SV2B: variants seen among roughly 807,000 people sequenced by gnomAD.
SV2B encodes the protein synaptic vesicle glycoprotein 2B.
Under a neutral mutation model 73.9 loss-of-function variants are expected in SV2B, and 41 were observed. That is an observed-to-expected ratio of 0.56 (90% CI 0.43 to 0.72). The LOEUF is 0.72. Among genes scored for constraint, SV2B ranks in the 30% least tolerant of loss-of-function variants. The probability of loss-of-function intolerance (pLI) is 0.00; values close to 1 mark genes in which losing one functional copy is unlikely to be tolerated. For synonymous variants in SV2B, 314 were observed against 314.2 expected, an observed-to-expected ratio of 1.00 and a Z score of 0.01; for missense variants, 764 against 857.8, an observed-to-expected ratio of 0.89 and a Z score of 1.37.
intron 1 of SV2B, among the ~76,000 whole-genome samples, chr15:91,163,260 A>G (rs987290992): frequency 5.3e-5 from 8 of 152,094 alleles, no homozygotes; most frequent in African/African-American, 1.9e-4. Context: ...ATGATTTTTA[A>G]CCCTTTGGGT....
chr15:91,149,859 T>C (rs779241939), intron 1 of SV2B, among the ~76,000 whole-genome samples: 5 of 152,186 alleles, frequency 3.3e-5, no homozygotes, highest in Non-Finnish European at 7.3e-5. Context: ...TTCAAATGTG[T>C]CATAGAAATT....
At chr15:91,154,588 G>A (rs535297373) in intron 1 of SV2B, among the ~76,000 whole-genome samples, 13 of 152,268 alleles carry the variant, frequency 8.5e-5, no homozygotes, top group South Asian at 6.2e-4. Flanking sequence ...TTTTGCAGAC[G>A]TAACCAAGTT....
At chr15:91,168,301 C>CGAGAGAGAGAGAGA (rs113991291) in intron 1 of SV2B, among the ~76,000 whole-genome samples, 5,615 of 137,132 alleles carry the variant, frequency 0.041, 163 homozygotes, top group Non-Finnish European at 0.051. Context: ...TGGTGAGATA[C>CGAGAGAGAGAGAGA]GAGAGAGAGA....
intron 1 of SV2B, among the ~76,000 whole-genome samples, chr15:91,131,561 T>G (rs1291100207): frequency 6.6e-6 from 1 of 151,728 alleles, no homozygotes; most frequent in Non-Finnish European, 1.5e-5. Context: ...TCTCAGCACT[T>G]TGGGAGGTAA....
chr15:91,144,005 A>G (rs1345732676), intron 1 of SV2B, among the ~76,000 whole-genome samples: 1 of 152,254 alleles, frequency 6.6e-6, no homozygotes, highest in African/African-American at 2.4e-5. Context: ...TAACTGGTCA[A>G]ACATGATTCT....
chr15:91,243,866 A>G (rs2047120215), intron 2 of SV2B, among the ~76,000 whole-genome samples: 1 of 152,174 alleles, frequency 6.6e-6, no homozygotes, highest in African/African-American at 2.4e-5. Flanking sequence ...GGACACATTC[A>G]GAACCTAGAA....
chr15:91,258,589 C>T lies in SV2B; in HGVS notation c.918+35C>T. ...TGCTTTTCCACCAGGGGGAGAGTGA[C>T]AAAACAGCCACAGGAACCCAGCCTC... is the stretch of plus-strand genomic sequence containing the variant. On this transcript the variant is annotated intron_variant, in intron 5 of 12. Coordinates refer to ENST00000394232, the MANE Select transcript of SV2B (RefSeq NM_001323032.3). This position sits in a 1 kb window ranked among gnomAD's most constrained non-coding sequence, Gnocchi z 4.7. 1 of 1,611,330 alleles carries T rather than the reference C, an allele frequency of 6.2e-7. No individual in the cohort carries two copies. The highest frequency in any genetic ancestry group is 2.2e-5 in the East Asian group (1 of 44,822).
Position 91,283,439 on chromosome 15 carries a change from ATT to A in SV2B, c.1508-570_1508-569del, listed in dbSNP as rs11344398. Among the ~76,000 whole-genome samples, 1 of 145,170 alleles carries A rather than the reference ATT, an allele frequency of 6.9e-6. No individual in the cohort carries two copies. Among genetic ancestry groups the A allele is most frequent in the African/African-American group, 2.5e-5 (1 of 39,934 alleles). Reference sequence around the variant, plus strand: ...GGACTGTTATCCAGCTGGAGAGATGATTTTTTTTTTTTTAAAGGCAAGGTCTC... The same window carrying A: ...GGACTGTTATCCAGCTGGAGAGATGATTTTTTTTTTTAAAGGCAAGGTCTC... On this transcript the variant is annotated intron_variant, in intron 10 of 12. Transcript: ENST00000394232. The surrounding 1 kb of genome is among the most constrained non-coding windows in gnomAD (Gnocchi z 4.3).
intron 1 of SV2B, among the ~76,000 whole-genome samples, chr15:91,184,227 A>G (rs2141327062): frequency 6.6e-6 from 1 of 152,238 alleles, no homozygotes; most frequent in Non-Finnish European, 1.5e-5. Flanking sequence ...TTGGCAAGCA[A>G]CCTTGCCAAA....
intron 6 of SV2B, among the ~76,000 whole-genome samples, chr15:91,260,837 G>T (rs538934860): frequency 3.9e-5 from 6 of 152,314 alleles, no homozygotes; most frequent in African/African-American, 1.4e-4. Context: ...ATTTGCAAAA[G>T]CAGAAACCCC....
rs551841000 is a variant in SV2B, at chr15:91,298,101, A to C, written c.*5549A>C. ...TGTGAACCTGACCTGCAGACAGTCC[A>C]CCTGAACGTGCCTGGAAATGTCTCC... On this transcript the variant is annotated 3_prime_UTR_variant, in exon 13 of 13. Transcript: ENST00000394232. The surrounding 1 kb of genome is among the most constrained non-coding windows in gnomAD (Gnocchi z 5.4). The C allele has an allele frequency of 1.3e-5, 2 of 152,340 alleles. No individual in the cohort carries two copies. The highest frequency in any genetic ancestry group is 2.4e-5 in the African/African-American group (1 of 41,568). The allele number at this position is 152,340 out of a possible 1,614,324, so 9.4% of individuals were successfully genotyped here.
In SV2B at chr15:91,266,681, A is replaced by G. The variant is rs1240215267; in HGVS notation, c.1108A>G (p.Ile370Val). The change falls in exon 7 of 13, where the codon ATT becomes GTT. Residue 370 changes from isoleucine to valine, a missense_variant. Coordinates refer to ENST00000394232, the MANE Select transcript of SV2B (RefSeq NM_001323032.3). ...GCGCTGGCTGGTCAGATTCAAGACC[A>G]TTTTCAAGCAGGTATGATTGGGAAC... ...YQRWLVRFKT[I>V]FKQVWDNALY... is the part of the protein sequence containing the mutation. The G allele has an allele frequency of 1.9e-6, 3 of 1,613,144 alleles. No individual in the cohort carries two copies. Among genetic ancestry groups the G allele is most frequent in the South Asian group, 1.1e-5 (1 of 90,934 alleles).
At position 91,290,357 on chromosome 15, in the gene SV2B, G is replaced by A. The variant is rs1476739867; in HGVS notation, c.1868+677G>A. ...CCAAAATTGGCGACAGAGGTATTGG[G>A]ATATAGATAACTAAGGAAGAGCACA... On this transcript the variant is annotated intron_variant, in intron 12 of 12. Coordinates refer to ENST00000394232, the MANE Select transcript of SV2B (RefSeq NM_001323032.3). This position sits in a 1 kb window ranked among gnomAD's most constrained non-coding sequence, Gnocchi z 4.7. Among the ~76,000 whole-genome samples the A allele has an allele frequency of 2.0e-5, 3 of 152,210 alleles. No homozygotes were observed. The highest frequency in any genetic ancestry group is 7.2e-5 in the African/African-American group (3 of 41,442).
chr15:91,135,800 G>T (rs2141169678), intron 1 of SV2B, among the ~76,000 whole-genome samples: 1 of 152,332 alleles, frequency 6.6e-6, no homozygotes, highest in South Asian at 2.1e-4. Context: ...AGAGACAAAA[G>T]ATGGGTTTGC....
chr15:91,262,943 T>G (rs552724197), intron 6 of SV2B, among the ~76,000 whole-genome samples: 72 of 152,296 alleles, frequency 4.7e-4, no homozygotes, highest in African/African-American at 1.4e-3. Context: ...AGTCTAAGCT[T>G]CTCTCCGAGC....
intron 1 of SV2B, among the ~76,000 whole-genome samples, chr15:91,170,229 C>T (rs75859643): frequency 0.11 from 17,036 of 151,948 alleles, 1,242 homozygotes; most frequent in African/African-American, 0.21. Flanking sequence ...AGACAGACAC[C>T]CGAATTTTTT....
intron 1 of SV2B, among the ~76,000 whole-genome samples, chr15:91,212,342 G>A (rs990340705): frequency 5.3e-5 from 8 of 152,178 alleles, no homozygotes; most frequent in African/African-American, 1.7e-4. Context: ...CCGGCCCTCT[G>A]TTGTTACTGA....
rs79725910 is a variant in SV2B, at chr15:91,251,894, G to T, written c.527G>T (p.Arg176Leu). 42 of 1,614,008 alleles carry T rather than the reference G, an allele frequency of 2.6e-5. No individual in the cohort carries two copies. The highest frequency in any genetic ancestry group is 1.5e-5 in the Non-Finnish European group (18 of 1,180,026). ...GGLADKLGRKRVLSMSLAVNA... is the reference protein window; with the variant it reads ...GGLADKLGRKLVLSMSLAVNA... ...CTGGCTGATAAGCTGGGAAGGAAGC[G>T]AGTCCTCAGCATGTCTCTGGCCGTC... Residue 176 changes from arginine (R) to leucine (L), a missense_variant, in exon 3 of 13, where the codon CGA (arginine) becomes CTA (leucine). By Grantham distance (102) the Arg-to-Leu change is moderately radical. Transcript: ENST00000394232.
rs976867584 is a variant in SV2B at position 91,181,975 on chromosome 15, T to C, written c.-391-43898T>C. ...TATATATGTATTTACATGTTAGGCA[T>C]TTTTAAAAGCCTAAGTCTAAAGGAC... On this transcript the variant is annotated intron_variant, in intron 1 of 12. Transcript: ENST00000394232. Among the ~76,000 whole-genome samples, 8 of 152,258 alleles carry C rather than the reference T, an allele frequency of 5.3e-5. No homozygotes were observed. In the East Asian group the frequency reaches 1.5e-3, roughly 29 times the overall value.
Sources: gnomAD v4.1 joint callset for allele counts (sites outside exome capture counted in the v4.1 genomes callset) on GRCh38, gnomAD v4.1.1 for gene constraint, Gnocchi (gnomAD v3.1) non-coding constraint, MANE v1.5 for transcripts, NCBI Gene and HGNC (gene_info 2026-07-23, HGNC 2026-07-21) for gene names.